C4orf50: variants seen among roughly 807,000 people sequenced by gnomAD.
C4orf50 encodes chromosome 4 open reading frame 50, also known as uncharacterized protein C4orf50.
A neutral mutation model predicts 77.2 loss-of-function variants in C4orf50; 80 were observed. The ratio of observed to expected loss-of-function variants is 1.04; its 90% CI spans 0.87 to 1.25. The LOEUF (loss-of-function observed/expected upper bound fraction) is 1.25, where lower values mean the gene tolerates loss of function less well. Among genes scored for constraint, C4orf50 ranks in the 50% most tolerant of loss-of-function variants. C4orf50 has a pLI of 0.00. For missense variants in C4orf50, 1,257 were observed against 1,152.9 expected, an observed-to-expected ratio of 1.09 and a Z score of -1.31; for synonymous variants, 532 against 465.3, an observed-to-expected ratio of 1.14 and a Z score of -1.84.
chr4:5,981,482 G>A (rs13143185), intron 28 of C4orf50, among the ~76,000 whole-genome samples: 2,090 of 144,486 alleles, frequency 0.014, 12 homozygotes, highest in Non-Finnish European at 0.024. Flanking sequence ...TCGGCTCACC[G>A]CAACCTCCGC....
At chr4:6,010,130 A>G (rs899940623) in intron 24 of C4orf50, among the ~76,000 whole-genome samples, 18 of 152,242 alleles carry the variant, frequency 1.2e-4, no homozygotes, top group African/African-American at 3.9e-4. Context: ...GAAATCCTAC[A>G]TTCACATAGG....
chr4:5,953,367 C>T (rs1310342552), downstream of C4orf50, among the ~76,000 whole-genome samples: 1 of 152,200 alleles, frequency 6.6e-6, no homozygotes, highest in Non-Finnish European at 1.5e-5. Context: ...AAATGACTCA[C>T]CTAGAGACAC....
intron 7 of C4orf50, among the ~76,000 whole-genome samples, chr4:5,910,785 T>C (rs938530993): frequency 1.3e-5 from 2 of 152,188 alleles, no homozygotes; most frequent in Admixed American, 6.5e-5. Flanking sequence ...TCAGGTGCTC[T>C]CTTTTTTGTT....
rs1446937848 is a variant in C4orf50 at position 5,992,936 on chromosome 4, A to G, written c.1094-6T>C. The G allele has an allele frequency of 7.5e-6, 3 of 398,814 alleles. No individual in the cohort carries two copies. Among genetic ancestry groups the G allele is most frequent in the Non-Finnish European group, 1.3e-5 (3 of 226,018 alleles). The allele number at this position is 398,814 out of a possible 1,614,324, so 24.7% of individuals were successfully genotyped here. Reference sequence around the variant, plus strand: ...GGGCCCCTCTGGGGACTGGCCTGGAAAGCAACAAGACCCTGGGGGTTACAA... The same window carrying G: ...GGGCCCCTCTGGGGACTGGCCTGGAGAGCAACAAGACCCTGGGGGTTACAA... On this transcript the variant is annotated splice_polypyrimidine_tract_variant and splice_region_variant and intron_variant, in intron 26 of 33. Coordinates refer to ENST00000531445, the Ensembl canonical transcript of C4orf50. This position sits in a 1 kb window ranked among gnomAD's most constrained non-coding sequence, Gnocchi z 5.0.
At chr4:6,016,942 G>A (rs557253718) in intron 23 of C4orf50, among the ~76,000 whole-genome samples, 4 of 152,316 alleles carry the variant, frequency 2.6e-5, no homozygotes, top group East Asian at 1.9e-4. Flanking sequence ...TATGAGTAAC[G>A]TGTCAGAATC....
intron 27 of C4orf50, among the ~76,000 whole-genome samples, chr4:5,991,303 G>A (rs57252417): frequency 0.11 from 15,990 of 152,198 alleles, 959 homozygotes; most frequent in Non-Finnish European, 0.12. Context: ...TCAGTTCTAC[G>A]GTGGCAATAG....
rs530614871 is a variant in C4orf50 at position 5,919,631 on chromosome 4, C to T, written c.*2475-21443G>A. ...CCACCCTGACCCCAAGGCATTAACC[C>T]CAGGTCAGCAAACGCCACACTGAGA... On this transcript the variant is annotated intron_variant, in intron 7 of 7. Transcript: ENST00000324058. This position sits in a 1 kb window ranked among gnomAD's most constrained non-coding sequence, Gnocchi z 6.5. Among the ~76,000 whole-genome samples the T allele has an allele frequency of 1.2e-4, 18 of 152,324 alleles. No homozygotes were observed. The highest frequency in any genetic ancestry group is 1.9e-4 in the Non-Finnish European group (13 of 68,026).
intron 7 of C4orf50, among the ~76,000 whole-genome samples, chr4:5,938,007 T>C (rs1221414336): frequency 2.6e-5 from 4 of 152,080 alleles, no homozygotes; most frequent in Non-Finnish European, 5.9e-5. Context: ...ACTTGACAGA[T>C]CAAGCAAACA....
chr4:5,915,483 C>G (rs912671888), intron 7 of C4orf50, among the ~76,000 whole-genome samples: 2 of 152,212 alleles, frequency 1.3e-5, no homozygotes, highest in Non-Finnish European at 2.9e-5. Flanking sequence ...CCATGGGACA[C>G]ATTTGTGGGC....
chr4:5,966,737 T>C (rs71612255), intron 32 of C4orf50, among the ~76,000 whole-genome samples: 53,308 of 150,214 alleles, frequency 0.35, 9,694 homozygotes, highest in Admixed American at 0.44. Context: ...GCAACCTCCG[T>C]CTCCCAGGTT....
chr4:5,954,122 G>A (rs998232937), downstream of C4orf50, among the ~76,000 whole-genome samples: 1 of 152,216 alleles, frequency 6.6e-6, no homozygotes, highest in African/African-American at 2.4e-5. This position sits in a 1 kb window ranked among gnomAD's most constrained non-coding sequence, Gnocchi z 4.7. Flanking sequence ...TGGCTCCCAG[G>A]ACAGCAGCAG....
chr4:5,991,201 T>G (rs1721265078), intron 27 of C4orf50, among the ~76,000 whole-genome samples: 1 of 152,226 alleles, frequency 6.6e-6, no homozygotes. Flanking sequence ...CTATATCATC[T>G]AACTCCCCCT....
At chr4:5,949,206 T>C (rs977766620) in intron 7 of C4orf50, among the ~76,000 whole-genome samples, 1 of 152,068 alleles carries the variant, frequency 6.6e-6, no homozygotes, top group Non-Finnish European at 1.5e-5. Context: ...CACAGTGACC[T>C]GGTTTCCTCA....
At chr4:5,926,958 T>G (rs1717543043) in intron 7 of C4orf50, among the ~76,000 whole-genome samples, 1 of 152,220 alleles carries the variant, frequency 6.6e-6, no homozygotes, top group Non-Finnish European at 1.5e-5. Context: ...TATATAGAAG[T>G]TCCTGCTCTT....
At chr4:5,990,759 C>G (rs73212644) in exon 28 of C4orf50, 26,095 of 399,106 alleles carry the variant, frequency 0.065, 967 homozygotes, top group South Asian at 0.1. Context: ...CCAAGCACTC[C>G]TCTGGTGGGC....
At position 6,000,287 on chromosome 4, in the gene C4orf50, T is replaced by G. The variant is rs955141371; in HGVS notation, c.964-5811A>C. Reference sequence around the variant, plus strand: ...CATGGCCACTGAGGCTCATGCAATTTCCACCAAGACATGAAGAGCCGCATC... The same window carrying G: ...CATGGCCACTGAGGCTCATGCAATTGCCACCAAGACATGAAGAGCCGCATC... On this transcript the variant is annotated intron_variant, in intron 25 of 33. Coordinates refer to ENST00000531445, the Ensembl canonical transcript of C4orf50. This position sits in a 1 kb window ranked among gnomAD's most constrained non-coding sequence, Gnocchi z 6.0. Among the ~76,000 whole-genome samples the G allele has an allele frequency of 1.1e-4, 16 of 152,112 alleles. No individual in the cohort carries two copies. Among genetic ancestry groups the G allele is most frequent in the African/African-American group, 3.4e-4 (14 of 41,418 alleles).
At chr4:6,014,003 G>GTT (rs1560605576) in intron 23 of C4orf50, among the ~76,000 whole-genome samples, 1 of 120,842 alleles carries the variant, frequency 8.3e-6, no homozygotes, top group Non-Finnish European at 1.8e-5. Flanking sequence ...TTTAAGTTGT[G>GTT]TGTTTTTTTT....
chr4:5,911,706 G>C (rs1192285360), intron 7 of C4orf50, among the ~76,000 whole-genome samples: 1 of 152,206 alleles, frequency 6.6e-6, no homozygotes, highest in Non-Finnish European at 1.5e-5. Context: ...TGGTGAGCTA[G>C]CAAATGTTTA....
chr4:5,966,891 G>A (rs1200676837), intron 32 of C4orf50, among the ~76,000 whole-genome samples: 4 of 152,060 alleles, frequency 2.6e-5, no homozygotes, highest in Non-Finnish European at 5.9e-5. Flanking sequence ...CTCGTGATCC[G>A]CCTGCCTCGG....
Sources: gnomAD v4.1 joint callset for allele counts (sites outside exome capture counted in the v4.1 genomes callset) on GRCh38, gnomAD v4.1.1 for gene constraint, Gnocchi (gnomAD v3.1) non-coding constraint, MANE v1.5 for transcripts, NCBI Gene and HGNC (gene_info 2026-07-23, HGNC 2026-07-21) for gene names.